Variants in OXR1 observed in about 807,000 individuals in gnomAD.
OXR1 encodes the protein oxidation resistance protein 1.
A neutral mutation model predicts 104.6 loss-of-function variants in OXR1; 41 were observed. The observed-to-expected ratio is 0.39, with a 90% CI of 0.31 to 0.51. The LOEUF (loss-of-function observed/expected upper bound fraction) is 0.51, where lower values mean the gene tolerates loss of function less well. Among genes scored for constraint, OXR1 ranks in the 20% least tolerant of loss-of-function variants. The probability of loss-of-function intolerance (pLI) is 0.77; values close to 1 mark genes in which losing one functional copy is unlikely to be tolerated. For synonymous variants in OXR1, 348 were observed against 348.4 expected (o/e 1.00, Z 0.01); for missense variants, 955 against 1,031.9 (o/e 0.93, Z 1.02).
intron 11 of OXR1, among the ~76,000 whole-genome samples, chr8:106,718,101 A>C (rs1587223166): frequency 6.6e-6 from 1 of 152,336 alleles, no homozygotes; most frequent in East Asian, 1.9e-4. Flanking sequence ...GATAGTGTGA[A>C]AATGTTTGTC....
chr8:106,592,744 T>C (rs749709829), intron 3 of OXR1, among the ~76,000 whole-genome samples: 1 of 152,282 alleles, frequency 6.6e-6, no homozygotes, highest in East Asian at 1.9e-4. Flanking sequence ...GGCCAGGTCA[T>C]GGTAGGGAGC....
chr8:106,547,639 C>T (rs372933840), intron 3 of OXR1, among the ~76,000 whole-genome samples: 1 of 151,834 alleles, frequency 6.6e-6, no homozygotes, highest in African/African-American at 2.4e-5. Flanking sequence ...ATAACAGGTG[C>T]ACATGACCAT....
At chr8:106,727,823 CAT>C in intron 11 of OXR1, among the ~76,000 whole-genome samples, 1 of 152,290 alleles carries the variant, frequency 6.6e-6, no homozygotes, top group South Asian at 2.1e-4. Flanking sequence ...TCTGCCCATA[CAT>C]ATATGTTATT....
chr8:106,673,095 G>C (rs543055387), intron 3 of OXR1, among the ~76,000 whole-genome samples: 2 of 152,276 alleles, frequency 1.3e-5, no homozygotes, highest in East Asian at 3.9e-4. Flanking sequence ...GCAGAGGTTG[G>C]AACAGTTTGG....
chr8:106,683,569 T>C (rs1554619605), intron 5 of OXR1, among the ~76,000 whole-genome samples: 1 of 152,154 alleles, frequency 6.6e-6, no homozygotes, highest in Non-Finnish European at 1.5e-5. Context: ...GAACAATATA[T>C]GCATATGATA....
At chr8:106,389,091 T>G (rs1397426385) in intron 2 of OXR1, among the ~76,000 whole-genome samples, 1 of 152,202 alleles carries the variant, frequency 6.6e-6, no homozygotes, top group Non-Finnish European at 1.5e-5. Context: ...GTGAGATAAA[T>G]ATCTTTCCAA....
chr8:106,502,002 C>A (rs1316502855), intron 2 of OXR1, among the ~76,000 whole-genome samples: 1 of 152,026 alleles, frequency 6.6e-6, no homozygotes, highest in Non-Finnish European at 1.5e-5. Context: ...ATTTACTGAC[C>A]AGTAACAAAG....
intron 3 of OXR1, among the ~76,000 whole-genome samples, chr8:106,598,783 A>G (rs1005450288): frequency 6.6e-6 from 1 of 152,212 alleles, no homozygotes; most frequent in African/African-American, 2.4e-5. Flanking sequence ...ATTTTAGTGT[A>G]AACTTCACCA....
intron 8 of OXR1, among the ~76,000 whole-genome samples, chr8:106,704,655 G>A (rs1304486183): frequency 6.6e-6 from 1 of 151,858 alleles, no homozygotes; most frequent in African/African-American, 2.4e-5. Flanking sequence ...GCGTAGGCCT[G>A]CCAAAGTGCT....
intron 1 of OXR1, among the ~76,000 whole-genome samples, chr8:106,290,325 G>A (rs191432451): frequency 1.2e-3 from 176 of 152,210 alleles, no homozygotes; most frequent in Admixed American, 2.8e-3. Flanking sequence ...AAATTTAAAT[G>A]TAAGATCTCA....
intron 1 of OXR1, among the ~76,000 whole-genome samples, chr8:106,296,325 G>A (rs748149677): frequency 1.5e-4 from 23 of 151,984 alleles, no homozygotes; most frequent in East Asian, 3.9e-4. Context: ...ATTAGTGATC[G>A]CCTCAGGCTC....
At position 106,694,958 on chromosome 8, in the gene OXR1, A is replaced by G. The variant is rs552436237; in HGVS notation, c.675+2081A>G. 5.0e-5 allele frequency among the ~76,000 whole-genome samples: 7 copies of G among 139,778 alleles called. No individual in the cohort carries two copies. The South Asian group carries it at 1.5e-3, about 30-fold the overall frequency. 91.7% of individuals were successfully genotyped at this position (139,778 alleles called of 152,430 possible). A position where few individuals can be genotyped will look rare whatever the true frequency, so the allele number is the denominator to read the frequency against. The stretch of plus-strand genomic sequence containing the variant: ...ATATATAAATATAAAATATTTATAT[A>G]TATTTACATGTATATTATAATATAT... On this transcript the variant is annotated intron_variant, in intron 7 of 16. Coordinates refer to ENST00000517566, the MANE Select transcript of OXR1 (RefSeq NM_001198533.2).
intron 3 of OXR1, among the ~76,000 whole-genome samples, chr8:106,654,617 T>C (rs968181708): frequency 1.3e-5 from 2 of 152,098 alleles, no homozygotes; most frequent in African/African-American, 4.8e-5. Flanking sequence ...AAAGACCTAA[T>C]ATAAGAGCTA....
intron 2 of OXR1, among the ~76,000 whole-genome samples, chr8:106,474,251 C>T (rs1821683520): frequency 6.6e-6 from 1 of 151,416 alleles, no homozygotes; most frequent in South Asian, 2.1e-4. Flanking sequence ...CAGCATACTA[C>T]TGGATGTGTA....
At chr8:106,745,935 C>G in intron 16 of OXR1, 73 bp downstream of exon 16, 1 of 820,538 alleles carries the variant, frequency 1.2e-6, no homozygotes, top group Non-Finnish European at 2.0e-6. Flanking sequence ...TTTATAAATT[C>G]AGTTGTCTTT....
intron 3 of OXR1, among the ~76,000 whole-genome samples, chr8:106,660,685 C>T (rs1335395084): frequency 6.6e-6 from 1 of 152,100 alleles, no homozygotes; most frequent in African/African-American, 2.4e-5. Context: ...ATAGTTTCAC[C>T]ATTGACAGAT....
intron 2 of OXR1, among the ~76,000 whole-genome samples, chr8:106,396,695 A>G (rs1432425123): frequency 6.6e-6 from 1 of 151,898 alleles, no homozygotes; most frequent in African/African-American, 2.4e-5. Flanking sequence ...TGCAAAAGTA[A>G]TTGTGCTTTT....
At chr8:106,537,850 G>A (rs1370410530) in intron 3 of OXR1, among the ~76,000 whole-genome samples, 1 of 152,102 alleles carries the variant, frequency 6.6e-6, no homozygotes, top group Non-Finnish European at 1.5e-5. Flanking sequence ...GGATCTTGAA[G>A]TAGAAACCTG....
intron 2 of OXR1, among the ~76,000 whole-genome samples, chr8:106,381,088 G>T (rs74999657): frequency 6.6e-6 from 1 of 152,254 alleles, no homozygotes; most frequent in East Asian, 1.9e-4. Flanking sequence ...TGAGAAGGAA[G>T]CCAGTGCAGA....
Sources: allele counts gnomAD v4.1 joint callset (sites outside exome capture counted in the v4.1 genomes callset), GRCh38; gene constraint gnomAD v4.1.1; transcripts MANE v1.5; gene names NCBI Gene and HGNC (gene_info 2026-07-23, HGNC 2026-07-21).